Variants in FBLN7 observed in about 807,000 individuals in gnomAD.
FBLN7 encodes the protein fibulin-7.
Under a neutral mutation model 44.0 loss-of-function variants are expected in FBLN7, and 31 were observed. The ratio of observed to expected loss-of-function variants is 0.70; its 90% CI spans 0.53 to 0.95. The LOEUF is 0.95. Ranked by LOEUF, FBLN7 falls within the 40% of genes least tolerant of loss-of-function variation. The pLI, the probability that FBLN7 is intolerant of heterozygous loss-of-function variation, is 0.00. For missense variants in FBLN7, 573 were observed against 618.5 expected, an observed-to-expected ratio of 0.93 and a Z score of 0.78; for synonymous variants, 262 against 253.4, an observed-to-expected ratio of 1.03 and a Z score of -0.32.
At chr2:112,196,811 A>G in the FBLN7 span, among the ~76,000 whole-genome samples, 1 of 152,150 alleles carries the variant, frequency 6.6e-6, no homozygotes, top group African/African-American at 2.4e-5. Flanking sequence ...TGGGTAATTT[A>G]TAAAGAAAAA....
chr2:112,200,441 C>G, the FBLN7 span, among the ~76,000 whole-genome samples: 1 of 152,120 alleles, frequency 6.6e-6, no homozygotes, highest in African/African-American at 2.4e-5. Context: ...CTGCCTTTGT[C>G]TGGGGAATTC....
chr2:112,225,684 G>A, the FBLN7 span, among the ~76,000 whole-genome samples: 1 of 152,124 alleles, frequency 6.6e-6, no homozygotes, highest in East Asian at 1.9e-4. Flanking sequence ...GGGCATGGTG[G>A]TAAGTGCTTG....
intron 3 of FBLN7, among the ~76,000 whole-genome samples, chr2:112,170,157 G>C (rs537345979): frequency 1.3e-5 from 2 of 151,808 alleles, no homozygotes; most frequent in African/African-American, 4.8e-5. Flanking sequence ...CAGAAGAATC[G>C]CTTGAACCCG....
At chr2:112,240,789 C>T in the FBLN7 span, among the ~76,000 whole-genome samples, 2 of 152,166 alleles carry the variant, frequency 1.3e-5, no homozygotes, top group African/African-American at 4.8e-5. Context: ...TAGCTATAAA[C>T]TCATTGCTTC....
chr2:112,166,167 C>T (rs1682147940), intron 3 of FBLN7, among the ~76,000 whole-genome samples: 1 of 152,240 alleles, frequency 6.6e-6, no homozygotes, highest in East Asian at 1.9e-4. Context: ...TCTCCTGCCT[C>T]AGCCTCCTGA....
intron 1 of FBLN7, among the ~76,000 whole-genome samples, chr2:112,140,746 G>T (rs138810496): frequency 6.6e-6 from 1 of 152,148 alleles, no homozygotes; most frequent in South Asian, 2.1e-4. Context: ...GAACACTCAC[G>T]GGACTTTCTC....
At chr2:112,153,095 T>A (rs2104550327) in intron 1 of FBLN7, 1 of 152,208 alleles carries the variant, frequency 6.6e-6, no homozygotes, top group Admixed American at 6.5e-5. Flanking sequence ...CTCATATATG[T>A]GGGTGCTGAG....
chr2:112,210,220 CAG>C, the FBLN7 span, among the ~76,000 whole-genome samples: 1 of 152,070 alleles, frequency 6.6e-6, no homozygotes, highest in Non-Finnish European at 1.5e-5. Flanking sequence ...AGAAGAGTAT[CAG>C]AGTCTTATCC....
At chr2:112,225,241 T>TA in the FBLN7 span, among the ~76,000 whole-genome samples, 1,136 of 149,024 alleles carry the variant, frequency 7.6e-3, 11 homozygotes, top group African/African-American at 0.026. Context: ...AGTTAATTGT[T>TA]AAAAAAAAAA....
At chr2:112,171,750 C>T (rs1302989289) in intron 3 of FBLN7, among the ~76,000 whole-genome samples, 1 of 152,082 alleles carries the variant, frequency 6.6e-6, no homozygotes, top group Non-Finnish European at 1.5e-5. Context: ...CTAAATGTAA[C>T]TCTTTATGAT....
chr2:112,180,577 G>A (rs1682929562), intron 4 of FBLN7, among the ~76,000 whole-genome samples: 1 of 152,154 alleles, frequency 6.6e-6, no homozygotes, highest in Non-Finnish European at 1.5e-5. Context: ...CAATAGCAAA[G>A]ACATGGAACC....
chr2:112,211,584 A>G, the FBLN7 span: 1 of 152,260 alleles, frequency 6.6e-6, no homozygotes, highest in African/African-American at 2.4e-5. Context: ...ATTATATTTA[A>G]TAGAATCTAA....
chr2:112,205,508 GA>G, the FBLN7 span, among the ~76,000 whole-genome samples: 7 of 151,752 alleles, frequency 4.6e-5, no homozygotes, highest in East Asian at 1.2e-3. Context: ...AGCAGGAAAA[GA>G]AAAAAAGAAC....
chr2:112,184,390 C>A (rs1683146214), intron 6 of FBLN7, among the ~76,000 whole-genome samples: 1 of 152,100 alleles, frequency 6.6e-6, no homozygotes, highest in South Asian at 2.1e-4. Context: ...AGTGGGTGAC[C>A]TGGGGCTGGA....
intron 1 of FBLN7, among the ~76,000 whole-genome samples, chr2:112,142,755 C>T (rs1680709049): frequency 2.3e-5 from 3 of 132,496 alleles, no homozygotes; most frequent in South Asian, 4.6e-4. Flanking sequence ...ATATCATGAG[C>T]GTATGTGTGT....
At chr2:112,199,259 A>C in the FBLN7 span, among the ~76,000 whole-genome samples, 1 of 152,098 alleles carries the variant, frequency 6.6e-6, no homozygotes, top group Non-Finnish European at 1.5e-5. Context: ...GCATGGTGAC[A>C]GACAGTTGTA....
intron 3 of FBLN7, 129 bp from the exon 4 acceptor site, chr2:112,175,585 G>A: frequency 1.7e-6 from 2 of 1,207,910 alleles, no homozygotes; most frequent in Non-Finnish European, 2.3e-6. Flanking sequence ...GAAAGAGTGG[G>A]TGGGGTCAGG....
chr2:112,146,206 G>C (rs1165558344), intron 1 of FBLN7, among the ~76,000 whole-genome samples: 1 of 152,186 alleles, frequency 6.6e-6, no homozygotes, highest in Non-Finnish European at 1.5e-5. Flanking sequence ...TGTAATCCCA[G>C]CTACTCAGGA....
the FBLN7 span, among the ~76,000 whole-genome samples, chr2:112,196,105 C>A: frequency 6.6e-6 from 1 of 152,208 alleles, no homozygotes; most frequent in Non-Finnish European, 1.5e-5. Context: ...GCTCAGGTGT[C>A]TGAGTGATCA....
Sources: allele counts gnomAD v4.1 joint callset (sites outside exome capture counted in the v4.1 genomes callset), GRCh38; gene constraint gnomAD v4.1.1; transcripts MANE v1.5; gene names NCBI Gene and HGNC (gene_info 2026-07-23, HGNC 2026-07-21).